Variants in STT3B observed in about 807,000 individuals in gnomAD.
The protein encoded by STT3B is dolichyl-diphosphooligosaccharide--protein glycosyltransferase subunit STT3B.
A neutral mutation model predicts 96.8 loss-of-function variants in STT3B; 29 were observed. The ratio of observed to expected loss-of-function variants is 0.30; its 90% CI spans 0.22 to 0.41. STT3B has a LOEUF of 0.41. Among genes scored for constraint, STT3B ranks in the 10% least tolerant of loss-of-function variants. STT3B has a pLI of 1.00. For missense variants in STT3B, 640 were observed against 1,022.3 expected, an observed-to-expected ratio of 0.63 and a Z score of 5.10; for synonymous variants, 367 against 360.0, an observed-to-expected ratio of 1.02 and a Z score of -0.22.
chr3:31,626,390 CTCA>C (rs1559392347), intron 13 of STT3B, among the ~76,000 whole-genome samples: 1 of 152,200 alleles, frequency 6.6e-6, no homozygotes, highest in Non-Finnish European at 1.5e-5. Flanking sequence ...TTCACAGCCT[CTCA>C]TGTCATCCCT....
intron 5 of STT3B, among the ~76,000 whole-genome samples, chr3:31,604,092 A>G (rs750694105): frequency 3.4e-4 from 51 of 152,150 alleles, no homozygotes; most frequent in Non-Finnish European, 6.0e-4. Flanking sequence ...TTGAAATGTC[A>G]CTAGAACAGC....
chr3:31,624,754 C>G (rs1208191396), intron 11 of STT3B, among the ~76,000 whole-genome samples, 160 bp from the exon 12 acceptor site: 1 of 147,162 alleles, frequency 6.8e-6, no homozygotes, highest in East Asian at 2.1e-4. Flanking sequence ...TCTAGCTCTT[C>G]ATTGTTTCAC....
intron 5 of STT3B, among the ~76,000 whole-genome samples, chr3:31,601,252 T>A (rs1222896554): frequency 2.0e-5 from 3 of 152,202 alleles, no homozygotes; most frequent in Non-Finnish European, 2.9e-5. Context: ...TCTATGTGAA[T>A]GTTTATAGCA....
intron 1 of STT3B, among the ~76,000 whole-genome samples, chr3:31,569,244 A>G (rs1322517787): frequency 6.6e-6 from 1 of 152,092 alleles, no homozygotes; most frequent in African/African-American, 2.4e-5. Flanking sequence ...CTCCTGCCTC[A>G]GGCTCCCAAG....
At position 31,552,833 on chromosome 3, in the gene STT3B, G is replaced by T. The variant is rs145732879; in HGVS notation, c.314+19521G>T. ...TTAAAACCAAATAAGGCCGGGCACG[G>T]TGGCTCACGCCTGTAATCCCAGCAC... On this transcript the variant is annotated intron_variant, in intron 1 of 15. Coordinates refer to ENST00000295770, the MANE Select transcript of STT3B (RefSeq NM_178862.3). Among the ~76,000 whole-genome samples the T allele has an allele frequency of 1.2e-3, 189 of 152,276 alleles. 2 individuals are homozygous for T. Among genetic ancestry groups the T allele is most frequent in the Middle Eastern group, 6.8e-3 (2 of 294 alleles).
chr3:31,597,807 T>C (rs1450567198), intron 4 of STT3B, among the ~76,000 whole-genome samples: 1 of 151,358 alleles, frequency 6.6e-6, no homozygotes, highest in Non-Finnish European at 1.5e-5. Context: ...CTATTCTTCC[T>C]AGCTTTATTC....
intron 3 of STT3B, among the ~76,000 whole-genome samples, chr3:31,583,079 C>G (rs964127720): frequency 6.6e-6 from 1 of 152,104 alleles, no homozygotes; most frequent in Admixed American, 6.6e-5. Context: ...GTGTTAAGTT[C>G]TATATCATCT....
intron 13 of STT3B, among the ~76,000 whole-genome samples, chr3:31,628,711 G>A (rs1699588395): frequency 6.6e-6 from 1 of 152,152 alleles, no homozygotes; most frequent in South Asian, 2.1e-4. Context: ...GAAAAATTTA[G>A]CTAGAACACT....
At chr3:31,623,892 T>G (rs746232492) in intron 11 of STT3B, 31 bp downstream of exon 11, 2 of 1,501,306 alleles carry the variant, frequency 1.3e-6, no homozygotes, top group African/African-American at 2.8e-5. Flanking sequence ...CAAAAACATT[T>G]TATACTTACA....
rs548103872 is a variant in STT3B, at chr3:31,551,978, T to TA, written c.314+18667dup. 1.6e-4 allele frequency among the ~76,000 whole-genome samples: 24 copies of TA among 152,300 alleles called. No homozygotes were observed. The East Asian group carries it at 4.6e-3, about 29-fold the overall frequency. On this transcript the variant is annotated intron_variant, in intron 1 of 15. Coordinates refer to ENST00000295770, the MANE Select transcript of STT3B (RefSeq NM_178862.3). ...ATAACCTCAAGGAAGTGAATTCTGC[T>TA]AGAAGCCTGAGTGAGCTTGGAAGCA...
In STT3B at chr3:31,579,950, A is replaced by G. The variant is rs775083191; in HGVS notation, c.565A>G (p.Thr189Ala). The G allele has an allele frequency of 6.2e-7, 1 of 1,613,938 alleles. No individual in the cohort carries two copies. The highest frequency in any genetic ancestry group is 8.5e-7 in the Non-Finnish European group (1 of 1,179,850). Residue 189 changes from threonine (T) to alanine (A), a missense_variant, in exon 3 of 16, where the codon ACA (threonine) becomes GCA (alanine). Thr to Ala is a moderately conservative substitution (Grantham distance 58). This residue lies in a region of STT3B where 267 missense variants were observed against 388.3 expected (regional missense o/e 0.69). Coordinates refer to ENST00000295770, the MANE Select transcript of STT3B (RefSeq NM_178862.3). Reference sequence around the variant, plus strand: ...TACATCTATATCTACTTTCCTGCTTACAAGAGAACTTTGGAACCAAGGAGC... The same window carrying G: ...TACATCTATATCTACTTTCCTGCTTGCAAGAGAACTTTGGAACCAAGGAGC... Reference protein sequence around the residue: ...GLTSISTFLLTRELWNQGAGL... With the variant: ...GLTSISTFLLARELWNQGAGL...
At chr3:31,606,878 AG>A (rs1226253683) in intron 5 of STT3B, among the ~76,000 whole-genome samples, 1 of 152,208 alleles carries the variant, frequency 6.6e-6, no homozygotes, top group African/African-American at 2.4e-5. Context: ...AGCAACCAGG[AG>A]GGAGGCTGTA....
chr3:31,585,170 A>G (rs990474702), intron 3 of STT3B, among the ~76,000 whole-genome samples: 5 of 152,094 alleles, frequency 3.3e-5, no homozygotes, highest in African/African-American at 1.2e-4. Flanking sequence ...GCTGGTGTTG[A>G]TAGACATTTT....
At chr3:31,545,354 T>A (rs1158002916) in intron 1 of STT3B, among the ~76,000 whole-genome samples, 2 of 152,216 alleles carry the variant, frequency 1.3e-5, no homozygotes, top group African/African-American at 4.8e-5. Flanking sequence ...TATGAAAGGT[T>A]TTCCTTTTGG....
intron 13 of STT3B, among the ~76,000 whole-genome samples, chr3:31,628,802 G>A (rs1699589855): frequency 6.6e-6 from 1 of 152,156 alleles, no homozygotes; most frequent in African/African-American, 2.4e-5. Context: ...AAGCCATGGT[G>A]TTGGTACCAG....
At chr3:31,584,684 C>G (rs1378188973) in intron 3 of STT3B, among the ~76,000 whole-genome samples, 1 of 151,820 alleles carries the variant, frequency 6.6e-6, no homozygotes, top group Admixed American at 6.6e-5. Flanking sequence ...TGAGTTTTTC[C>G]TTTGTTTTCT....
intron 1 of STT3B, among the ~76,000 whole-genome samples, chr3:31,567,768 A>T (rs1263162985): frequency 1.3e-5 from 2 of 152,172 alleles, no homozygotes; most frequent in African/African-American, 4.8e-5. Flanking sequence ...ATGTTTTGGT[A>T]CAGGCATACA....
chr3:31,540,266 G>A (rs1311044193), intron 1 of STT3B, among the ~76,000 whole-genome samples: 2 of 152,084 alleles, frequency 1.3e-5, no homozygotes, highest in Non-Finnish European at 2.9e-5. Flanking sequence ...TGTGTGTACT[G>A]GTTGTCTGTA....
chr3:31,614,380 A>G (rs1168105631), intron 5 of STT3B, among the ~76,000 whole-genome samples: 1 of 151,984 alleles, frequency 6.6e-6, no homozygotes, highest in Non-Finnish European at 1.5e-5. Flanking sequence ...TGTGAATATA[A>G]AGCAGGTATT....
Sources: gnomAD v4.1 joint callset for allele counts (sites outside exome capture counted in the v4.1 genomes callset) on GRCh38, gnomAD v4.1.1 for gene constraint, gnomAD v4.1.1 regional missense constraint, MANE v1.5 for transcripts, NCBI Gene and HGNC (gene_info 2026-07-23, HGNC 2026-07-21) for gene names.